The following ITPKB variants were observed in gnomAD, a reference collection of about 807,000 sequenced individuals.
ITPKB encodes IP3 3-kinase B.
ITPKB carries 13 observed loss-of-function variants against 69.4 expected under a neutral mutation model. The ratio of observed to expected loss-of-function variants is 0.19; its 90% CI spans 0.12 to 0.30. The LOEUF (loss-of-function observed/expected upper bound fraction) is 0.30, where lower values mean the gene tolerates loss of function less well. Among genes scored for constraint, ITPKB ranks in the 10% least tolerant of loss-of-function variants. ITPKB has a pLI of 1.00. For missense variants in ITPKB, 1,240 were observed against 1,250.5 expected (o/e 0.99, Z 0.13); for synonymous variants, 584 against 513.7 (o/e 1.14, Z -1.85).
chr1:226,735,773 G>T lies in ITPKB; in HGVS notation c.1686C>A (p.Ser562Arg). 2 of 1,600,886 alleles carry T rather than the reference G, an allele frequency of 1.2e-6. No individual in the cohort carries two copies. The highest frequency in any genetic ancestry group is 2.7e-5 in the African/African-American group (2 of 74,812). ...PDKPFLRKAC[S>R]PSNIPAVIIT... ...TGATGACAGCAGGTATGTTGCTGGG[G>T]CTGCAGGCCTTCCTCAGGAAAGGCT... The change falls in exon 2 of 8, where the codon AGC (serine) becomes AGA (arginine). Residue 562 changes from serine (S) to arginine (R), a missense_variant. This residue lies in a region of ITPKB where 992 missense variants were observed against 853.8 expected (regional missense o/e 1.16). Coordinates refer to ENST00000429204, the MANE Select transcript of ITPKB (RefSeq NM_002221.4).
At chr1:226,721,304 C>T (rs189073345) in intron 2 of ITPKB, among the ~76,000 whole-genome samples, 125 of 138,216 alleles carry the variant, frequency 9.0e-4, no homozygotes, top group African/African-American at 2.8e-3. Flanking sequence ...GTCAAGATCT[C>T]GCCATTGCAC....
rs1657789413 is a variant in ITPKB at position 226,736,792 on chromosome 1, G to T, written c.667C>A (p.Pro223Thr). The T allele has an allele frequency of 1.9e-6, 3 of 1,612,966 alleles. No individual in the cohort carries two copies. Among genetic ancestry groups the T allele is most frequent in the Admixed American group, 1.7e-5 (1 of 60,008 alleles). The change falls in exon 2 of 8, where the codon CCC becomes ACC. Residue 223 changes from proline to threonine, a missense_variant. Transcript: ENST00000429204. ...SGTDSGRKGG[P>T]SLCSSQVKKG... Reference sequence around the variant, plus strand: ...TTCACCTGCGAGGAGCATAGGCTGGGCCCTCCTTTCCTCCCGGAGTCGGTT... The same window carrying T: ...TTCACCTGCGAGGAGCATAGGCTGGTCCCTCCTTTCCTCCCGGAGTCGGTT...
intron 2 of ITPKB, among the ~76,000 whole-genome samples, chr1:226,669,523 A>G (rs1461587872): frequency 6.6e-6 from 1 of 152,234 alleles, no homozygotes; most frequent in Non-Finnish European, 1.5e-5. Flanking sequence ...CAACATCACC[A>G]CAGGCCTCAA....
At position 226,647,274 on chromosome 1, in the gene ITPKB, A is replaced by G. The variant is rs1355214593; in HGVS notation, c.2139T>C (p.Pro713=). Residue 713 remains proline (P), a synonymous_variant, in exon 4 of 8, where the codon CCT becomes CCC. Transcript: ENST00000429204. ...CCTTCACCACATCCCCATGGTAGGCAGGTACGAAGGGCCTCAGCACATCCA... is the reference window on the plus strand; with the variant it reads ...CCTTCACCACATCCCCATGGTAGGCGGGTACGAAGGGCCTCAGCACATCCA... The part of the protein sequence containing the change: ...LMVDVLRPFV[P]AYHGDVVKDG... The G allele has an allele frequency of 6.2e-7, 1 of 1,614,084 alleles. No individual in the cohort carries two copies. The highest frequency in any genetic ancestry group is 8.5e-7 in the Non-Finnish European group (1 of 1,180,002).
intron 2 of ITPKB, among the ~76,000 whole-genome samples, chr1:226,653,418 C>A (rs1669232891): frequency 6.6e-6 from 1 of 152,220 alleles, no homozygotes; most frequent in Non-Finnish European, 1.5e-5. Context: ...GCCAGGGTGC[C>A]AGCCCAGTGA....
chr1:226,711,405 A>AAGAGAGAG (rs59479705), intron 2 of ITPKB, among the ~76,000 whole-genome samples: 183 of 129,844 alleles, frequency 1.4e-3, no homozygotes, highest in East Asian at 3.3e-3. Context: ...GGTGTTTTGA[A>AAGAGAGAG]AGAGAGAGAG....
intron 2 of ITPKB, among the ~76,000 whole-genome samples, chr1:226,703,739 G>A (rs1374350131): frequency 6.6e-6 from 1 of 152,212 alleles, no homozygotes; most frequent in African/African-American, 2.4e-5. Flanking sequence ...GAAAGACAAG[G>A]GGGCTGCTGT....
At chr1:226,683,004 C>T (rs1180262043) in intron 2 of ITPKB, among the ~76,000 whole-genome samples, 2 of 152,212 alleles carry the variant, frequency 1.3e-5, no homozygotes, top group Non-Finnish European at 2.9e-5. Flanking sequence ...CTGCCCAAGA[C>T]AGGTCTGTCT....
At position 226,641,997 on chromosome 1, in the gene ITPKB, G is replaced by A. The variant is rs377292206; in HGVS notation, c.2375C>T (p.Thr792Ile). The change falls in exon 5 of 8, where the codon ACC becomes ATC. Residue 792 changes from threonine (T) to isoleucine (I), a missense_variant. By Grantham distance (89) the Thr-to-Ile change is moderately conservative. This residue lies in a region of ITPKB where 248 missense variants were observed against 396.7 expected (regional missense o/e 0.63). Transcript: ENST00000429204. This position sits in a 1 kb window ranked among gnomAD's most constrained non-coding sequence, Gnocchi z 4.6. The stretch of plus-strand genomic sequence containing the variant: ...CCGCCACTGCATGTACCGTGGCTTG[G>A]TCACAGCCCGCTGTGCTTTTTCCTC... ...TEEEKAQRAV[T>I]KPRYMQWRET... The A allele has an allele frequency of 2.5e-6, 4 of 1,614,224 alleles. No individual in the cohort carries two copies. Among genetic ancestry groups the A allele is most frequent in the Non-Finnish European group, 3.4e-6 (4 of 1,180,048 alleles).
intron 2 of ITPKB, among the ~76,000 whole-genome samples, chr1:226,683,080 C>A (rs1656124793): frequency 6.6e-6 from 1 of 152,176 alleles, no homozygotes; most frequent in African/African-American, 2.4e-5. Flanking sequence ...GGAAGCCAGG[C>A]CCTAGAGGGG....
At chr1:226,727,545 G>C (rs1372171343) in intron 2 of ITPKB, among the ~76,000 whole-genome samples, 1 of 151,976 alleles carries the variant, frequency 6.6e-6, no homozygotes, top group Non-Finnish European at 1.5e-5. Context: ...ATTAAGCACT[G>C]GTAATATAAA....
At chr1:226,696,039 T>G (rs540005616) in intron 2 of ITPKB, among the ~76,000 whole-genome samples, 1 of 152,280 alleles carries the variant, frequency 6.6e-6, no homozygotes, top group East Asian at 1.9e-4. Context: ...TTCCATTCAG[T>G]TCCTTCCTGC....
chr1:226,705,692 C>G (rs150380810), intron 2 of ITPKB, among the ~76,000 whole-genome samples: 2 of 152,342 alleles, frequency 1.3e-5, no homozygotes, highest in East Asian at 3.9e-4. Context: ...TGCCTCCACC[C>G]CATTCCGGGA....
In ITPKB at chr1:226,737,461, T is replaced by C. The variant is rs1031245458; in HGVS notation, c.-3A>G. The C allele has an allele frequency of 1.9e-6, 3 of 1,589,816 alleles. No homozygotes were observed. Among genetic ancestry groups the C allele is most frequent in the Non-Finnish European group, 2.6e-6 (3 of 1,171,554 alleles). On this transcript the variant is annotated 5_prime_UTR_variant, in exon 2 of 8. Transcript: ENST00000429204. Reference sequence around the variant, plus strand: ...AGCGCATAGCAGTACACAGCCATAGTACTGGGTCCCGCGCTGCCCGCCGCC... The same window carrying C: ...AGCGCATAGCAGTACACAGCCATAGCACTGGGTCCCGCGCTGCCCGCCGCC...
chr1:226,638,954 G>A (rs1311694252), intron 6 of ITPKB, among the ~76,000 whole-genome samples: 1 of 151,770 alleles, frequency 6.6e-6, no homozygotes, highest in African/African-American at 2.4e-5. Flanking sequence ...CCCGCCGCAC[G>A]CCAGGGACAA....
intron 2 of ITPKB, among the ~76,000 whole-genome samples, chr1:226,720,834 G>A (rs372086178): frequency 6.8e-6 from 1 of 147,176 alleles, no homozygotes; most frequent in African/African-American, 2.5e-5. Context: ...GGCAGATCAC[G>A]CGGTTCAAGA....
chr1:226,636,205 C>T (rs1359597798), intron 7 of ITPKB, among the ~76,000 whole-genome samples: 1 of 152,238 alleles, frequency 6.6e-6, no homozygotes, highest in African/African-American at 2.4e-5. Flanking sequence ...AGGCAGCACC[C>T]CCATCGTCCA....
intron 2 of ITPKB, among the ~76,000 whole-genome samples, chr1:226,690,252 T>C (rs1397032745): frequency 6.6e-6 from 1 of 152,196 alleles, no homozygotes; most frequent in Non-Finnish European, 1.5e-5. Context: ...AGCGTTTCTT[T>C]AAGGAAGAGA....
rs1028839116 is a variant in ITPKB at position 226,641,850 on chromosome 1, G to A, written c.2451+71C>T. 166 of 1,384,526 alleles carry A rather than the reference G, an allele frequency of 1.2e-4. 1 individual carries two copies. In the South Asian group the frequency reaches 1.3e-3, roughly 11 times the overall value. 85.8% of individuals were successfully genotyped at this position (1,384,526 alleles called of 1,614,324 possible). ...GAGAAGCTTACAGCTTCCAAAGGGC[G>A]CTGAGAGAAGCCAAGCCCCCTGAGG... is the stretch of plus-strand genomic sequence containing the variant. On this transcript the variant is annotated intron_variant, in intron 5 of 7. Transcript: ENST00000429204. The surrounding 1 kb of genome is among the most constrained non-coding windows in gnomAD (Gnocchi z 4.6).
Sources: allele counts gnomAD v4.1 joint callset (sites outside exome capture counted in the v4.1 genomes callset), GRCh38; gene constraint gnomAD v4.1.1; regional missense constraint gnomAD v4.1.1; non-coding constraint Gnocchi (gnomAD v3.1); transcripts MANE v1.5; gene names NCBI Gene and HGNC (gene_info 2026-07-23, HGNC 2026-07-21).